KPNA1: variants seen among roughly 807,000 people sequenced by gnomAD.
The protein encoded by KPNA1 is importin subunit alpha-5.
In KPNA1, 10 loss-of-function variants were observed where a neutral mutation model predicts 70.5. The ratio of observed to expected loss-of-function variants is 0.14; its 90% CI spans 0.09 to 0.24. The LOEUF (loss-of-function observed/expected upper bound fraction) is 0.24. Among genes scored for constraint, KPNA1 ranks in the 10% least tolerant of loss-of-function variants. KPNA1 has a pLI of 1.00. For synonymous variants in KPNA1, 192 were observed against 221.9 expected (o/e 0.87, Z 1.20); for missense variants, 397 against 637.9 (o/e 0.62, Z 4.07).
At chr3:122,507,440 C>CAAAAA (rs11406672) in intron 1 of KPNA1, among the ~76,000 whole-genome samples, 1 of 113,378 alleles carries the variant, frequency 8.8e-6, no homozygotes, top group Non-Finnish European at 1.8e-5. Flanking sequence ...GACTCCATCT[C>CAAAAA]AAAAAAAAAA....
chr3:122,470,525 C>CAAATAAAT (rs202144154), intron 2 of KPNA1, among the ~76,000 whole-genome samples: 6 of 150,042 alleles, frequency 4.0e-5, no homozygotes, highest in African/African-American at 1.2e-4. Context: ...AATAAATAAA[C>CAAATAAAT]AAATAAATAA....
At position 122,437,258 on chromosome 3, in the gene KPNA1, T is replaced by C; in HGVS notation, c.1034A>G (p.His345Arg). 1 of 1,613,784 alleles carries C rather than the reference T, an allele frequency of 6.2e-7. No individual in the cohort carries two copies. The highest frequency in any genetic ancestry group is 8.5e-7 in the Non-Finnish European group (1 of 1,179,756). ...AGATTCCTTTGGGCTACTCAGCAAA[T>C]GCAATAAACTCTGCAGAGCTGAGCA... ...LNCSALQSLL[H>R]LLSSPKESIK... The change falls in exon 11 of 14, where the codon CAT (histidine) becomes CGT (arginine). Residue 345 changes from histidine to arginine, a missense_variant. Transcript: ENST00000344337.
intron 1 of KPNA1, among the ~76,000 whole-genome samples, chr3:122,503,350 G>A (rs147376280): frequency 2.6e-5 from 4 of 152,080 alleles, no homozygotes; most frequent in South Asian, 2.1e-4. Flanking sequence ...AGGAAGTCTC[G>A]TGCACTTCTT....
chr3:122,448,393 C>T (rs1452773076), intron 9 of KPNA1, among the ~76,000 whole-genome samples: 3 of 152,176 alleles, frequency 2.0e-5, no homozygotes, highest in Non-Finnish European at 4.4e-5. Context: ...TACATATACA[C>T]CACGGAATAC....
chr3:122,444,836 A>G (rs1268254790), intron 9 of KPNA1, among the ~76,000 whole-genome samples: 1 of 152,254 alleles, frequency 6.6e-6, no homozygotes, highest in Non-Finnish European at 1.5e-5. Flanking sequence ...AAAACGAATA[A>G]GCAGAAAGGA....
At chr3:122,476,773 G>A (rs1227390425) in intron 2 of KPNA1, among the ~76,000 whole-genome samples, 6 of 141,596 alleles carry the variant, frequency 4.2e-5, no homozygotes, top group African/African-American at 1.3e-4. Context: ...ACATATTGGC[G>A]AGGATGCTGA....
intron 2 of KPNA1, among the ~76,000 whole-genome samples, chr3:122,479,149 C>T (rs2076541328): frequency 6.6e-6 from 1 of 151,960 alleles, no homozygotes; most frequent in Non-Finnish European, 1.5e-5. Flanking sequence ...AGACTGGTAG[C>T]CAAAATATAT....
Position 122,453,916 on chromosome 3 carries a change from A to G in KPNA1, c.518T>C (p.Ile173Thr). Residue 173 changes from isoleucine (I) to threonine (T), a missense_variant, in exon 6 of 14, where the codon ATC becomes ACC. Transcript: ENST00000344337. ...RIVIQAGAVP[I>T]FIELLSSEFE... ...CTCTGAGCTGAGCAACTCTATGAAG[A>G]TGGGCACAGCTCCTGCCTGAATCAC... The G allele has an allele frequency of 1.2e-6, 2 of 1,613,412 alleles. No homozygotes were observed. The highest frequency in any genetic ancestry group is 1.7e-6 in the Non-Finnish European group (2 of 1,179,586).
rs117070210 is a variant in KPNA1 at position 122,491,664 on chromosome 3, G to A, written c.129+4773C>T. Among the ~76,000 whole-genome samples, 343 of 152,220 alleles carry A rather than the reference G, an allele frequency of 2.3e-3. 7 individuals are homozygous for A. In the East Asian group the frequency reaches 0.052, roughly 23 times the overall value. On this transcript the variant is annotated intron_variant, in intron 2 of 13. Transcript: ENST00000344337. The stretch of plus-strand genomic sequence containing the variant: ...GTTATGCAACTACTCAAGCGAAAAC[G>A]TCTCAGCATGATGGACAACTGTGAA...
At chr3:122,461,869 A>G (rs934841885) in intron 4 of KPNA1, among the ~76,000 whole-genome samples, 29 of 152,234 alleles carry the variant, frequency 1.9e-4, no homozygotes, top group African/African-American at 6.3e-4. Context: ...ATAAAAACTT[A>G]TAAGGCAAAT....
At chr3:122,480,275 T>C (rs1039813088) in intron 2 of KPNA1, among the ~76,000 whole-genome samples, 10 of 121,826 alleles carry the variant, frequency 8.2e-5, no homozygotes, top group South Asian at 2.8e-4. Flanking sequence ...ATATAAACTA[T>C]AGACTTTGGG....
chr3:122,430,894 C>T (rs2075896325), intron 12 of KPNA1, among the ~76,000 whole-genome samples: 1 of 152,142 alleles, frequency 6.6e-6, no homozygotes, highest in African/African-American at 2.4e-5. Context: ...CAGTATTCAC[C>T]AGTCGATTAC....
intron 10 of KPNA1, among the ~76,000 whole-genome samples, chr3:122,441,821 G>A (rs925986971): frequency 1.3e-5 from 2 of 152,136 alleles, no homozygotes; most frequent in Admixed American, 6.5e-5. Flanking sequence ...GGCTGGTGTC[G>A]AACTCCTGAG....
chr3:122,480,094 A>G (rs2107478849), intron 2 of KPNA1, among the ~76,000 whole-genome samples: 1 of 152,332 alleles, frequency 6.6e-6, no homozygotes, highest in South Asian at 2.1e-4. Flanking sequence ...GATTCCAACT[A>G]TATGACATTC....
rs1240269795 is a variant in KPNA1 at position 122,476,880 on chromosome 3, A to AC, written c.130-9452_130-9451insG. On this transcript the variant is annotated intron_variant, in intron 2 of 13. Transcript: ENST00000344337. ...GTTCCACAAAAAAAAAAAAAAAAAA[A>AC]AAAACTAAAAAAAGAATTACCATAT... Among the ~76,000 whole-genome samples the AC allele has an allele frequency of 1.3e-3, 190 of 150,582 alleles. 4 individuals are homozygous for AC. Among genetic ancestry groups the AC allele is most frequent in the African/African-American group, 4.2e-3 (175 of 41,200 alleles).
At chr3:122,467,502 G>A in intron 2 of KPNA1, 73 bp from the exon 3 acceptor site, 1 of 817,546 alleles carries the variant, frequency 1.2e-6, no homozygotes, top group South Asian at 1.7e-5. Flanking sequence ...CAAATACTAG[G>A]CACCCCATTC....
Position 122,427,535 on chromosome 3 carries a change from T to C in KPNA1, c.1429+3A>G. ...ATAAACTTCTTCAACCAAAGCATCT[T>C]ACCATAAGCTTCTTCAATCAAAGCA... On this transcript the variant is annotated splice_donor_region_variant and intron_variant, in intron 13 of 13. Transcript: ENST00000344337. 6.2e-7 allele frequency: 1 copy of C among 1,609,518 alleles called. No homozygotes were observed. Among genetic ancestry groups the C allele is most frequent in the Non-Finnish European group, 8.5e-7 (1 of 1,177,950 alleles).
At chr3:122,460,302 G>A (rs1277286171) in intron 5 of KPNA1, 1 of 985,004 alleles carries the variant, frequency 1.0e-6, no homozygotes, top group East Asian at 1.1e-4. Flanking sequence ...GAATTTCTAG[G>A]ATGAGAGTCA....
chr3:122,502,987 A>G (rs1334904244), intron 1 of KPNA1, among the ~76,000 whole-genome samples: 2 of 152,082 alleles, frequency 1.3e-5, no homozygotes, highest in Non-Finnish European at 2.9e-5. Flanking sequence ...GGTCCCAGCT[A>G]CTTGGGAGGC....
Sources: gnomAD v4.1 joint callset for allele counts (sites outside exome capture counted in the v4.1 genomes callset) on GRCh38, gnomAD v4.1.1 for gene constraint, MANE v1.5 for transcripts, NCBI Gene and HGNC (gene_info 2026-07-23, HGNC 2026-07-21) for gene names.